GALNT5: variants seen among roughly 807,000 people sequenced by gnomAD.
GALNT5 encodes the protein polypeptide N-acetylgalactosaminyltransferase 5.
GALNT5 carries 72 observed loss-of-function variants against 85.4 expected under a neutral mutation model. The observed-to-expected ratio is 0.84, with a 90% CI of 0.70 to 1.03. GALNT5 has a LOEUF of 1.03. GALNT5 is among the 50% of genes least tolerant of loss of function. The pLI is 0.00. For synonymous variants in GALNT5, 404 were observed against 397.0 expected (o/e 1.02, Z -0.21); for missense variants, 1,137 against 1,135.5 (o/e 1.00, Z -0.02).
At chr2:157,274,856 T>G (rs571983801) in intron 1 of GALNT5, among the ~76,000 whole-genome samples, 2 of 152,362 alleles carry the variant, frequency 1.3e-5, no homozygotes, top group South Asian at 4.1e-4. Context: ...TTGTCTGTTT[T>G]GGCTTTTGTT....
Position 157,317,196 on chromosome 2 carries a change from A to ATTTT in GALNT5, c.*5849_*5850insTTTT, listed in dbSNP as rs1422384883. On this transcript the variant is annotated 3_prime_UTR_variant, in exon 10 of 10. Transcript: ENST00000259056. Reference sequence around the variant, plus strand: ...TGTGTATATATATATATATATATATATATTTTTTTTTTTGATGCTTTGATC... The same window carrying ATTTT: ...TGTGTATATATATATATATATATATATTTTTATTTTTTTTTTTGATGCTTTGATC... Among the ~76,000 whole-genome samples, 1 of 132,564 alleles carries ATTTT rather than the reference A, an allele frequency of 7.5e-6. No homozygotes were observed. Among genetic ancestry groups the ATTTT allele is most frequent in the African/African-American group, 3.2e-5 (1 of 30,974 alleles). 87.0% of individuals were successfully genotyped at this position (132,564 alleles called of 152,430 possible).
chr2:157,286,607 C>T (rs1050331338), intron 3 of GALNT5, among the ~76,000 whole-genome samples: 33 of 152,116 alleles, frequency 2.2e-4, no homozygotes, highest in Non-Finnish European at 4.1e-4. Flanking sequence ...TCGTTCACAC[C>T]GTTCTCCTGC....
chr2:157,307,554 T>C (rs1016358548), intron 8 of GALNT5, among the ~76,000 whole-genome samples: 3 of 152,212 alleles, frequency 2.0e-5, no homozygotes, highest in Non-Finnish European at 4.4e-5. Flanking sequence ...TTTGTTACAC[T>C]GCAGATTCTG....
At position 157,259,298 on chromosome 2, in the gene GALNT5, A is replaced by G; in HGVS notation, c.1216A>G (p.Asn406Asp). The change falls in exon 1 of 10, where the codon AAC (asparagine) becomes GAC (aspartate). Residue 406 changes from asparagine to aspartate, a missense_variant. Transcript: ENST00000259056. The part of the protein sequence containing the change: ...ITAKAPSTEY[N>D]QSHIKALLPE... ...TGCCAAAGCCCCCTCTACAGAATAC[A>G]ACCAGAGTCATATAAAAGCCCTTTT... 1 of 1,603,572 alleles carries G rather than the reference A, an allele frequency of 6.2e-7. No homozygotes were observed. The highest frequency in any genetic ancestry group is 8.5e-7 in the Non-Finnish European group (1 of 1,176,030).
intron 3 of GALNT5, among the ~76,000 whole-genome samples, chr2:157,295,021 A>T (rs1482600992): frequency 2.6e-5 from 4 of 151,942 alleles, no homozygotes; most frequent in Non-Finnish European, 5.9e-5. Flanking sequence ...CATAGAATAT[A>T]AAAATGTACC....
chr2:157,302,564 A>G (rs1277174810), intron 7 of GALNT5: 1 of 140,244 alleles, frequency 7.1e-6, no homozygotes, highest in African/African-American at 2.6e-5. Flanking sequence ...TACAATTTTT[A>G]ATTTCAACCG....
chr2:157,285,868 C>A (rs952753386), intron 2 of GALNT5, 147 bp from the exon 3 acceptor site: 4 of 597,128 alleles, frequency 6.7e-6, no homozygotes, highest in Non-Finnish European at 1.2e-5. Flanking sequence ...AAAATGACAT[C>A]AGAAAATAAA....
In GALNT5 at chr2:157,294,876, G is replaced by GGA. The variant is rs139183450; in HGVS notation, c.1742-771_1742-770dup. 2.5e-4 allele frequency among the ~76,000 whole-genome samples: 37 copies of GGA among 149,436 alleles called. 1 individual carries two copies. Among genetic ancestry groups the GGA allele is most frequent in the South Asian group, 1.1e-3 (5 of 4,728 alleles). ...ATGTAGATGCTACTGAGGTTTCAAT[G>GGA]GAGAGAGAGAGAGAGAGTGTTACTT... On this transcript the variant is annotated intron_variant, in intron 3 of 9. Coordinates refer to ENST00000259056, the MANE Select transcript of GALNT5 (RefSeq NM_014568.3).
rs1010776949 is a variant in GALNT5 at position 157,311,891 on chromosome 2, T to C, written c.*543T>C. On this transcript the variant is annotated 3_prime_UTR_variant, in exon 10 of 10. Coordinates refer to ENST00000259056, the MANE Select transcript of GALNT5 (RefSeq NM_014568.3). Reference sequence around the variant, plus strand: ...CTTACCTAACAGTTTGAAATAGTATTGATCTACTGCTGGTAACCCTGCTTG... The same window carrying C: ...CTTACCTAACAGTTTGAAATAGTATCGATCTACTGCTGGTAACCCTGCTTG... The C allele has an allele frequency of 6.6e-6, 1 of 152,242 alleles. No homozygotes were observed. The highest frequency in any genetic ancestry group is 2.4e-5 in the African/African-American group (1 of 41,468). The allele number at this position is 152,242 out of a possible 1,614,324, so 9.4% of individuals were successfully genotyped here. A position where few individuals can be genotyped will look rare whatever the true frequency, so the allele number is the denominator to read the frequency against.
intron 4 of GALNT5, 28 bp from the exon 5 acceptor site, chr2:157,296,366 A>T: frequency 6.3e-7 from 1 of 1,576,864 alleles, no homozygotes; most frequent in Non-Finnish European, 8.7e-7. Flanking sequence ...ATCCCAGATA[A>T]CACTTTGTTT....
intron 1 of GALNT5, among the ~76,000 whole-genome samples, chr2:157,271,338 G>GGGAC (rs1215193663): frequency 6.6e-6 from 1 of 152,160 alleles, no homozygotes; most frequent in East Asian, 1.9e-4. Context: ...AGTTGAGCAG[G>GGGAC]GGTCCTATAC....
At chr2:157,290,062 A>G (rs368953937) in intron 3 of GALNT5, among the ~76,000 whole-genome samples, 2 of 144,736 alleles carry the variant, frequency 1.4e-5, no homozygotes, top group Non-Finnish European at 1.5e-5. Flanking sequence ...AACAAGAGCA[A>G]AATTCTGTCT....
chr2:157,289,393 G>C (rs1683044819), intron 3 of GALNT5, among the ~76,000 whole-genome samples: 1 of 152,136 alleles, frequency 6.6e-6, no homozygotes, highest in African/African-American at 2.4e-5. Flanking sequence ...GGCTTGTGTA[G>C]AAATAAATGT....
intron 7 of GALNT5, 69 bp downstream of exon 7, chr2:157,301,068 G>T: frequency 8.9e-7 from 1 of 1,126,118 alleles, no homozygotes; most frequent in Non-Finnish European, 1.3e-6. Flanking sequence ...TCAAAAATGT[G>T]TGGAAAGAAT....
chr2:157,311,142 C>T, intron 9 of GALNT5, 66 bp from the exon 10 acceptor site: 1 of 1,243,142 alleles, frequency 8.0e-7, no homozygotes, highest in Non-Finnish European at 1.1e-6. Flanking sequence ...AATTGATTTT[C>T]ATTTCTTCAT....
chr2:157,309,652 T>C (rs1379860814), intron 9 of GALNT5, among the ~76,000 whole-genome samples: 1 of 152,216 alleles, frequency 6.6e-6, no homozygotes, highest in Non-Finnish European at 1.5e-5. Flanking sequence ...CTTTGCTTCC[T>C]TTAGGTGCCT....
chr2:157,311,388 C>A lies in GALNT5; in HGVS notation c.*40C>A, dbSNP rs1683567198. Reference sequence around the variant, plus strand: ...TTTTATATAGTAAACCCATTAAATACTGTGAAAATAACACTGAACTTGGAA... The same window carrying A: ...TTTTATATAGTAAACCCATTAAATAATGTGAAAATAACACTGAACTTGGAA... On this transcript the variant is annotated 3_prime_UTR_variant, in exon 10 of 10. Coordinates refer to ENST00000259056, the MANE Select transcript of GALNT5 (RefSeq NM_014568.3). The A allele has an allele frequency of 7.6e-7, 1 of 1,318,544 alleles. No individual in the cohort carries two copies. Among genetic ancestry groups the A allele is most frequent in the Non-Finnish European group, 1.0e-6 (1 of 952,834 alleles). 81.7% of individuals were successfully genotyped at this position (1,318,544 alleles called of 1,614,324 possible).
chr2:157,258,846 TAAAC>T lies in GALNT5; in HGVS notation c.768_771del (p.Asn256LysfsTer32). 6.3e-7 allele frequency: 1 copy of T among 1,577,666 alleles called. No homozygotes were observed. Among genetic ancestry groups the T allele is most frequent in the Non-Finnish European group, 8.6e-7 (1 of 1,161,822 alleles). The stretch of plus-strand genomic sequence containing the variant: ...CCGAAGTCTGGGGAAGCCATGGCCT[TAAAC>T]AAAACTAAGACTCAGAGCAAAGAAG... On this transcript the variant is annotated frameshift_variant, in exon 1 of 10. Coordinates refer to ENST00000259056, the MANE Select transcript of GALNT5 (RefSeq NM_014568.3). LOFTEE classifies it high-confidence loss of function.
In GALNT5 at chr2:157,270,400, C is replaced by G. The variant is rs141324498; in HGVS notation, c.1454+10864C>G. Among the ~76,000 whole-genome samples, 156 of 152,334 alleles carry G rather than the reference C, an allele frequency of 1.0e-3. 1 individual carries two copies. The highest frequency in any genetic ancestry group is 3.4e-3 in the Middle Eastern group (1 of 294). On this transcript the variant is annotated intron_variant, in intron 1 of 9. Transcript: ENST00000259056. ...CCTAGCTAGCTGGCCAGCATTCTCT[C>G]CCATTGCCCATAGTATCTGTCCAAA...
Sources: allele counts gnomAD v4.1 joint callset (sites outside exome capture counted in the v4.1 genomes callset), GRCh38; gene constraint gnomAD v4.1.1; transcripts MANE v1.5; gene names NCBI Gene and HGNC (gene_info 2026-07-23, HGNC 2026-07-21).